ESR1: variants seen among roughly 807,000 people sequenced by gnomAD.
The protein encoded by ESR1 is estrogen receptor 1, also known as estrogen receptor.
A neutral mutation model predicts 52.7 loss-of-function variants in ESR1; 12 were observed. The ratio of observed to expected loss-of-function variants is 0.23; its 90% CI spans 0.15 to 0.37. The LOEUF (loss-of-function observed/expected upper bound fraction) is 0.37. Ranked by LOEUF, ESR1 falls within the 10% of genes least tolerant of loss-of-function variation. The probability of loss-of-function intolerance (pLI) is 1.00; values close to 1 mark genes in which losing one functional copy is unlikely to be tolerated. For missense variants in ESR1, 584 were observed against 779.7 expected (o/e 0.75, Z 2.99); for synonymous variants, 305 against 316.8 (o/e 0.96, Z 0.39).
chr6:151,967,248 T>G (rs2038375341), intron 4 of ESR1, among the ~76,000 whole-genome samples: 2 of 152,162 alleles, frequency 1.3e-5, no homozygotes, highest in Non-Finnish European at 2.9e-5. Context: ...GTTTGTTACA[T>G]AGGTATATAC....
At chr6:151,898,444 C>T (rs1167930676) in intron 3 of ESR1, among the ~76,000 whole-genome samples, 1 of 142,966 alleles carries the variant, frequency 7.0e-6, no homozygotes, top group African/African-American at 2.6e-5. Flanking sequence ...GTGTTTCTCG[C>T]AGAGGGGGAT....
chr6:151,808,234 C>G lies in ESR1; in HGVS notation c.322C>G (p.Leu108Val). The G allele has an allele frequency of 6.4e-7, 1 of 1,572,778 alleles. No individual in the cohort carries two copies. Among genetic ancestry groups the G allele is most frequent in the Non-Finnish European group, 8.6e-7 (1 of 1,159,408 alleles). ...PPLNSVSPSP[L>V]MLLHPPPQLS... The stretch of plus-strand genomic sequence containing the variant: ...ACTCAACAGCGTGTCTCCGAGCCCG[C>G]TGATGCTACTGCACCCGCCGCCGCA... The change falls in exon 1 of 8, where the codon CTG (leucine) becomes GTG (valine). Residue 108 changes from leucine to valine, a missense_variant. This residue lies in a region of ESR1 where 251 missense variants were observed against 246.1 expected (regional missense o/e 1.02). Coordinates refer to ENST00000206249, the MANE Select transcript of ESR1 (RefSeq NM_000125.4).
chr6:152,075,004 T>A (rs1167448057), intron 6 of ESR1, among the ~76,000 whole-genome samples: 1 of 152,220 alleles, frequency 6.6e-6, no homozygotes, highest in African/African-American at 2.4e-5. Flanking sequence ...TTAGCAGGTA[T>A]GTCTTTTGCA....
chr6:151,863,736 G>A (rs1215483863), intron 2 of ESR1, among the ~76,000 whole-genome samples: 2 of 152,124 alleles, frequency 1.3e-5, no homozygotes, highest in African/African-American at 4.8e-5. Flanking sequence ...GAACAGAACA[G>A]AGCCCTCAGA....
rs2050980215 is a variant in ESR1, at chr6:152,102,052, C to T, written c.*3086C>T. On this transcript the variant is annotated 3_prime_UTR_variant, in exon 8 of 8. Coordinates refer to ENST00000206249, the MANE Select transcript of ESR1 (RefSeq NM_000125.4). ...CAGCAATTATGAGAGGCTAGGTCAT[C>T]CAAAGAGAAGACCCTATCAATGTAG... 9.3e-6 allele frequency: 2 copies of T among 214,182 alleles called. No individual in the cohort carries two copies. Among genetic ancestry groups the T allele is most frequent in the African/African-American group, 4.5e-5 (2 of 44,270 alleles). 13.3% of individuals were successfully genotyped at this position (214,182 alleles called of 1,614,324 possible). A position where few individuals can be genotyped will look rare whatever the true frequency, so the allele number is the denominator to read the frequency against.
chr6:151,764,202 C>A (rs1471544882), intron 2 of ESR1, among the ~76,000 whole-genome samples: 1 of 152,168 alleles, frequency 6.6e-6, no homozygotes, highest in African/African-American at 2.4e-5. Context: ...GCAAACAAAT[C>A]AGTACGGTTG....
intron 1 of ESR1, among the ~76,000 whole-genome samples, chr6:151,819,958 G>A (rs1174140253): frequency 6.6e-6 from 1 of 152,214 alleles, no homozygotes; most frequent in Non-Finnish European, 1.5e-5. Context: ...GGTGGTAGGT[G>A]CAGAGATTGG....
intron 2 of ESR1, among the ~76,000 whole-genome samples, chr6:151,778,617 G>A (rs1361956247): frequency 6.6e-6 from 1 of 151,744 alleles, no homozygotes; most frequent in East Asian, 1.9e-4. Context: ...TGTTGGCCAG[G>A]CTGGTCTCGA....
At chr6:151,894,641 G>A (rs1001753636) in intron 3 of ESR1, among the ~76,000 whole-genome samples, 4 of 151,940 alleles carry the variant, frequency 2.6e-5, no homozygotes, top group Admixed American at 1.3e-4. Context: ...TGTTGAATAG[G>A]GTGTCCTTTC....
At chr6:151,823,675 A>C (rs144188507) in intron 1 of ESR1, among the ~76,000 whole-genome samples, 1 of 151,708 alleles carries the variant, frequency 6.6e-6, no homozygotes, top group Non-Finnish European at 1.5e-5. Flanking sequence ...CCTGTGTCCA[A>C]CTGTTCTCAT....
chr6:151,919,517 A>G (rs867472222), intron 3 of ESR1, among the ~76,000 whole-genome samples: 4 of 152,186 alleles, frequency 2.6e-5, no homozygotes, highest in African/African-American at 7.2e-5. Context: ...ATTCACACAT[A>G]CATCTATCAT....
At chr6:151,684,127 AG>A (rs1376938207) in intron 1 of ESR1, among the ~76,000 whole-genome samples, 1 of 152,082 alleles carries the variant, frequency 6.6e-6, no homozygotes, top group Non-Finnish European at 1.5e-5. Context: ...CTAGAGGAGA[AG>A]GGTACAAGTG....
intron 5 of ESR1, among the ~76,000 whole-genome samples, chr6:152,020,621 T>C (rs2043561038): frequency 6.6e-6 from 1 of 152,068 alleles, no homozygotes; most frequent in East Asian, 1.9e-4. Context: ...TGGCTAATTT[T>C]TGCATTTTTA....
intron 1 of ESR1, among the ~76,000 whole-genome samples, chr6:151,699,132 T>G (rs989774436): frequency 1.3e-5 from 2 of 152,214 alleles, no homozygotes; most frequent in Non-Finnish European, 2.9e-5. Flanking sequence ...CTTTCTTCAC[T>G]TCTTTCTCGA....
At chr6:152,033,156 A>G (rs2044895002) in intron 5 of ESR1, among the ~76,000 whole-genome samples, 1 of 152,198 alleles carries the variant, frequency 6.6e-6, no homozygotes, top group Admixed American at 6.5e-5. Context: ...TGGATTAAAG[A>G]CTTAAATGTT....
intron 2 of ESR1, among the ~76,000 whole-genome samples, chr6:151,771,199 C>T (rs1317336286): frequency 6.6e-6 from 1 of 152,192 alleles, no homozygotes; most frequent in Non-Finnish European, 1.5e-5. Context: ...GTCCCGTTCT[C>T]TAGCCTGTGA....
chr6:152,048,665 T>C (rs987404421), intron 5 of ESR1, among the ~76,000 whole-genome samples: 2 of 152,182 alleles, frequency 1.3e-5, no homozygotes, highest in Non-Finnish European at 2.9e-5. Context: ...AACTCAATAT[T>C]TACTGCGTGA....
At chr6:151,839,930 C>T (rs1041876303) in intron 1 of ESR1, among the ~76,000 whole-genome samples, 3 of 152,024 alleles carry the variant, frequency 2.0e-5, no homozygotes, top group Non-Finnish European at 2.9e-5. Flanking sequence ...AACACTTAAG[C>T]GTGGTTACGA....
chr6:151,972,937 G>A (rs1206616421), intron 4 of ESR1, among the ~76,000 whole-genome samples: 1 of 152,186 alleles, frequency 6.6e-6, no homozygotes, highest in African/African-American at 2.4e-5. Flanking sequence ...ATCCAGCATG[G>A]GAGAAAGATG....
Sources: gnomAD v4.1 joint callset for allele counts (sites outside exome capture counted in the v4.1 genomes callset) on GRCh38, gnomAD v4.1.1 for gene constraint, gnomAD v4.1.1 regional missense constraint, MANE v1.5 for transcripts, NCBI Gene and HGNC (gene_info 2026-07-23, HGNC 2026-07-21) for gene names.